The following ZFAND6 variants were observed in gnomAD, a reference collection of about 807,000 sequenced individuals.
The protein encoded by ZFAND6 is zinc finger AN1-type containing 6, also known as AN1-type zinc finger protein 6.
A neutral mutation model predicts 24.5 loss-of-function variants in ZFAND6; 12 were observed. The observed-to-expected ratio is 0.49, with a 90% CI of 0.31 to 0.79. The LOEUF (loss-of-function observed/expected upper bound fraction) is 0.79. Among genes scored for constraint, ZFAND6 ranks in the 30% least tolerant of loss-of-function variants. The pLI, the probability that ZFAND6 is intolerant of heterozygous loss-of-function variation, is 0.04. For synonymous variants in ZFAND6, 92 were observed against 81.5 expected (o/e 1.13, Z -0.69); for missense variants, 207 against 245.9 (o/e 0.84, Z 1.06).
intron 1 of ZFAND6, among the ~76,000 whole-genome samples, chr15:80,083,253 A>C (rs1453789064): frequency 2.0e-5 from 3 of 152,138 alleles, no homozygotes; most frequent in Admixed American, 1.3e-4. Flanking sequence ...GGCCTCCCAA[A>C]GTGCTGGGAT....
chr15:80,100,368 T>A (rs1383982450), intron 2 of ZFAND6, among the ~76,000 whole-genome samples: 2 of 152,182 alleles, frequency 1.3e-5, no homozygotes, highest in African/African-American at 4.8e-5. Context: ...AAACTTTGAT[T>A]TTTAAAATGA....
chr15:80,133,176 TTTTTTTTGTTTGTTTGTTTTTTG>T (rs988806631), intron 6 of ZFAND6, among the ~76,000 whole-genome samples: 2 of 145,116 alleles, frequency 1.4e-5, no homozygotes, highest in African/African-American at 5.1e-5. Context: ...AGGATGGTGT[TTTTTTTTGTTTGTTTGTTTTTTG>T]TTTTTTTTTT....
chr15:80,121,514 C>T (rs2040144228), intron 3 of ZFAND6, among the ~76,000 whole-genome samples, 198 bp from the exon 4 acceptor site: 1 of 152,110 alleles, frequency 6.6e-6, no homozygotes, highest in Non-Finnish European at 1.5e-5. Flanking sequence ...CAGATGGTTT[C>T]CTTCTTGGTT....
chr15:80,080,516 G>C lies in ZFAND6; in HGVS notation c.-180-17900G>C, dbSNP rs1000413618. 3.3e-5 allele frequency among the ~76,000 whole-genome samples: 5 copies of C among 152,228 alleles called. 1 individual carries two copies. Among genetic ancestry groups the C allele is most frequent in the African/African-American group, 1.2e-4 (5 of 41,536 alleles). On this transcript the variant is annotated intron_variant, in intron 1 of 6. Transcript: ENST00000261749. ...ATAGAATAATTATACTGTAATAAAA[G>C]TTATGTGATATCATCTCCCTCCCTC...
chr15:80,131,299 G>T lies in ZFAND6; in HGVS notation c.478+6G>T. The stretch of plus-strand genomic sequence containing the variant: ...GAAGAAAGTGGGACTTACTGGTAAG[G>T]ACCTAAATCAAATGTTTAAAATTAA... On this transcript the variant is annotated splice_donor_region_variant and intron_variant, in intron 6 of 6. Coordinates refer to ENST00000261749, the MANE Select transcript of ZFAND6 (RefSeq NM_019006.4). 6.2e-7 allele frequency: 1 copy of T among 1,608,086 alleles called. No individual in the cohort carries two copies. Among genetic ancestry groups the T allele is most frequent in the Non-Finnish European group, 8.5e-7 (1 of 1,175,386 alleles).
chr15:80,091,467 G>T (rs756955856), intron 1 of ZFAND6, among the ~76,000 whole-genome samples: 2 of 151,982 alleles, frequency 1.3e-5, no homozygotes, highest in Non-Finnish European at 2.9e-5. Context: ...ATTTGCTTTC[G>T]CAGAGTTCCG....
intron 2 of ZFAND6, among the ~76,000 whole-genome samples, chr15:80,104,079 CA>C (rs1280731885): frequency 1.3e-5 from 2 of 152,144 alleles, no homozygotes; most frequent in Admixed American, 1.3e-4. Context: ...TGAACTCAAG[CA>C]ATCCTCTCGC....
At chr15:80,069,569 T>C (rs1253422529) in intron 1 of ZFAND6, among the ~76,000 whole-genome samples, 1 of 152,186 alleles carries the variant, frequency 6.6e-6, no homozygotes, top group Non-Finnish European at 1.5e-5. Context: ...ACACCAGGAA[T>C]TGCAGGCTCA....
chr15:80,065,658 C>A (rs1490696519), intron 1 of ZFAND6, among the ~76,000 whole-genome samples: 1 of 148,194 alleles, frequency 6.7e-6, no homozygotes, highest in East Asian at 2.0e-4. Context: ...GATTCTCATG[C>A]CTCAGCCTTC....
intron 2 of ZFAND6, among the ~76,000 whole-genome samples, chr15:80,119,712 C>A (rs184948044): frequency 8.6e-5 from 13 of 151,872 alleles, no homozygotes; most frequent in African/African-American, 2.7e-4. Context: ...TGTTGAAGAC[C>A]CTTAAAGGGG....
chr15:80,109,932 G>A (rs2039522898), intron 2 of ZFAND6, among the ~76,000 whole-genome samples: 1 of 152,196 alleles, frequency 6.6e-6, no homozygotes, highest in African/African-American at 2.4e-5. Flanking sequence ...TGTTTCATGA[G>A]GTTGCAGTTC....
intron 6 of ZFAND6, among the ~76,000 whole-genome samples, chr15:80,135,948 A>G (rs2040840921): frequency 6.6e-6 from 1 of 152,140 alleles, no homozygotes; most frequent in Non-Finnish European, 1.5e-5. Flanking sequence ...ACATAGTGAG[A>G]CTCAGTCTGT....
intron 1 of ZFAND6, among the ~76,000 whole-genome samples, chr15:80,095,328 A>G (rs1390542722): frequency 1.3e-5 from 2 of 152,202 alleles, no homozygotes; most frequent in East Asian, 1.9e-4. Context: ...TGTGCTTTTC[A>G]GTGCATCACA....
At chr15:80,079,315 G>T (rs2141848116) in intron 1 of ZFAND6, among the ~76,000 whole-genome samples, 1 of 151,944 alleles carries the variant, frequency 6.6e-6, no homozygotes, top group South Asian at 2.1e-4. Flanking sequence ...CCGCCTCCTG[G>T]GTTCACGCCA....
rs151318021 is a variant in ZFAND6 at position 80,093,582 on chromosome 15, G to A, written c.-180-4834G>A. 0.02 allele frequency among the ~76,000 whole-genome samples: 3,058 copies of A among 152,082 alleles called. 215 individuals are homozygous for A. The East Asian group carries it at 0.22, about 11-fold the overall frequency. ...TCTCTACTAAAATACAAAATTAGTCGGGCATGGTGGCGCATGCCTGTAATC... is the reference window on the plus strand; with the variant it reads ...TCTCTACTAAAATACAAAATTAGTCAGGCATGGTGGCGCATGCCTGTAATC... On this transcript the variant is annotated intron_variant, in intron 1 of 6. Coordinates refer to ENST00000261749, the MANE Select transcript of ZFAND6 (RefSeq NM_019006.4).
intron 5 of ZFAND6, chr15:80,130,882 T>A: frequency 3.4e-6 from 1 of 297,668 alleles, no homozygotes. Flanking sequence ...ATGTGCCTTT[T>A]ATTGATTAAA....
At chr15:80,092,588 GA>G (rs2038450963) in intron 1 of ZFAND6, among the ~76,000 whole-genome samples, 1 of 152,216 alleles carries the variant, frequency 6.6e-6, no homozygotes, top group South Asian at 2.1e-4. Context: ...AGAGAGGGGG[GA>G]AAGTTCTTGT....
intron 1 of ZFAND6, among the ~76,000 whole-genome samples, chr15:80,083,065 C>T (rs1320432920): frequency 1.3e-5 from 2 of 152,122 alleles, no homozygotes; most frequent in African/African-American, 4.8e-5. Flanking sequence ...GATCTTGGCT[C>T]ACTGCAAGCT....
At chr15:80,086,507 C>T (rs898430340) in intron 1 of ZFAND6, among the ~76,000 whole-genome samples, 4 of 152,186 alleles carry the variant, frequency 2.6e-5, no homozygotes, top group Non-Finnish European at 5.9e-5. Context: ...TAAACAATCC[C>T]CTTTCCTACC....
Sources: allele counts gnomAD v4.1 joint callset (sites outside exome capture counted in the v4.1 genomes callset), GRCh38; gene constraint gnomAD v4.1.1; transcripts MANE v1.5; gene names NCBI Gene and HGNC (gene_info 2026-07-23, HGNC 2026-07-21).